The following FAXC variants were observed in gnomAD, a reference collection of about 807,000 sequenced individuals.
FAXC encodes the protein failed axon connections homolog, metaxin like GST domain containing.
A neutral mutation model predicts 41.9 loss-of-function variants in FAXC; 10 were observed. The observed-to-expected ratio is 0.24, with a 90% CI of 0.15 to 0.41. The LOEUF (loss-of-function observed/expected upper bound fraction) is 0.41, where lower values mean the gene tolerates loss of function less well. Ranked by LOEUF, FAXC falls within the 10% of genes least tolerant of loss-of-function variation. FAXC has a pLI of 1.00. For synonymous variants in FAXC, 183 were observed against 183.8 expected (o/e 1.00, Z 0.03); for missense variants, 399 against 510.9 (o/e 0.78, Z 2.11).
chr6:99,329,160 C>G (rs901186004), intron 3 of FAXC, among the ~76,000 whole-genome samples: 1 of 152,200 alleles, frequency 6.6e-6, no homozygotes, highest in African/African-American at 2.4e-5. Flanking sequence ...AAGCAATTAA[C>G]TTATCATTTT....
chr6:99,348,819 C>A (rs535423592), intron 1 of FAXC, among the ~76,000 whole-genome samples: 1 of 152,360 alleles, frequency 6.6e-6, no homozygotes, highest in South Asian at 2.1e-4. Context: ...AAACACACTG[C>A]ACTTAGATCC....
chr6:99,294,706 T>C (rs922195602), intron 4 of FAXC, among the ~76,000 whole-genome samples: 2 of 152,290 alleles, frequency 1.3e-5, no homozygotes, highest in Non-Finnish European at 2.9e-5. Flanking sequence ...GTCAAGTCCA[T>C]AAATTTTGAA....
upstream of FAXC, chr6:99,349,948 C>T (rs1234802167): frequency 6.6e-6 from 1 of 152,148 alleles, no homozygotes; most frequent in Non-Finnish European, 1.5e-5. Context: ...TCCCCTACCC[C>T]GGCCGGCCCT....
At chr6:99,291,672 C>A in intron 5 of FAXC, 32 bp downstream of exon 5, 1 of 1,541,408 alleles carries the variant, frequency 6.5e-7, no homozygotes, top group East Asian at 2.2e-5. Flanking sequence ...CCCCAGTAAG[C>A]CCCAAAACCT....
At chr6:99,297,901 G>C (rs938701307) in intron 4 of FAXC, among the ~76,000 whole-genome samples, 3 of 152,214 alleles carry the variant, frequency 2.0e-5, no homozygotes, top group African/African-American at 4.8e-5. Context: ...TTAAATCCCA[G>C]AGGGGCGAAT....
chr6:99,291,234 T>TTA (rs1771227111), intron 5 of FAXC, among the ~76,000 whole-genome samples: 1 of 152,158 alleles, frequency 6.6e-6, no homozygotes, highest in Admixed American at 6.5e-5. Flanking sequence ...GAAAAACAGT[T>TTA]TAGACTCAGA....
At chr6:99,293,639 CA>C (rs1378064634) in intron 4 of FAXC, among the ~76,000 whole-genome samples, 6 of 148,128 alleles carry the variant, frequency 4.1e-5, no homozygotes, top group Admixed American at 2.7e-4. Context: ...TCTTGAGTGA[CA>C]TTTTTCCCAT....
intron 4 of FAXC, among the ~76,000 whole-genome samples, chr6:99,296,590 A>G (rs1241727022): frequency 6.6e-6 from 1 of 152,166 alleles, no homozygotes; most frequent in African/African-American, 2.4e-5. Flanking sequence ...CCAGCTTCTA[A>G]GCACCCAGAA....
intron 4 of FAXC, among the ~76,000 whole-genome samples, chr6:99,319,529 C>T (rs183522004): frequency 1.6e-3 from 242 of 152,228 alleles, no homozygotes; most frequent in African/African-American, 5.2e-3. Context: ...TTCTACATGC[C>T]GACCACTTTT....
intron 3 of FAXC, 79 bp downstream of exon 3, chr6:99,333,272 G>A (rs1368263513): frequency 1.1e-5 from 14 of 1,224,398 alleles, no homozygotes; most frequent in Admixed American, 7.1e-5. Flanking sequence ...CTGCTGAAAC[G>A]GTGGAAAGAG....
At position 99,309,935 on chromosome 6, in the gene FAXC, C is replaced by A. The variant is rs1772094054; in HGVS notation, c.823+13509G>T. On this transcript the variant is annotated intron_variant, in intron 4 of 5. Coordinates refer to ENST00000389677, the MANE Select transcript of FAXC (RefSeq NM_032511.4). ...CATTAACAAACCACCAACGTAAACA[C>A]ACAGAAGTTCTACTGGAACAGAAGA... 1.8e-5 allele frequency: 18 copies of A among 983,424 alleles called. No homozygotes were observed. The South Asian group carries it at 8.0e-4, about 44-fold the overall frequency. The allele number at this position is 983,424 out of a possible 1,614,324, so 60.9% of individuals were successfully genotyped here.
intron 3 of FAXC, among the ~76,000 whole-genome samples, chr6:99,331,999 G>A (rs1773043693): frequency 6.6e-6 from 1 of 152,132 alleles, no homozygotes. Context: ...TTCATTCCAT[G>A]AACACTGAGT....
At chr6:99,311,951 C>T (rs612135) in intron 4 of FAXC, among the ~76,000 whole-genome samples, 133,165 of 152,262 alleles carry the variant, frequency 0.87, 58,732 homozygotes, top group East Asian at 1. Context: ...GATAGCTTTA[C>T]TTCTCCATAC....
At chr6:99,321,419 T>C (rs1772583336) in intron 4 of FAXC, among the ~76,000 whole-genome samples, 1 of 152,184 alleles carries the variant, frequency 6.6e-6, no homozygotes, top group Non-Finnish European at 1.5e-5. Flanking sequence ...TTTCACTTAT[T>C]CAATAAATGA....
chr6:99,338,170 T>C (rs1390935185), intron 2 of FAXC, among the ~76,000 whole-genome samples: 1 of 152,174 alleles, frequency 6.6e-6, no homozygotes, highest in Non-Finnish European at 1.5e-5. Flanking sequence ...CCTGGAGCAT[T>C]GCCCACTCCA....
chr6:99,291,676 A>C, intron 5 of FAXC, 28 bp downstream of exon 5: 4 of 1,563,888 alleles, frequency 2.6e-6, no homozygotes, highest in Non-Finnish European at 3.5e-6. Flanking sequence ...AGTAAGCCCC[A>C]AAACCTGAAG....
chr6:99,316,030 T>C (rs907088283), intron 4 of FAXC, among the ~76,000 whole-genome samples: 1 of 152,186 alleles, frequency 6.6e-6, no homozygotes, highest in African/African-American at 2.4e-5. Context: ...GTTTTAGTAA[T>C]CTGTGCTGCC....
intron 4 of FAXC, among the ~76,000 whole-genome samples, chr6:99,293,762 T>C (rs1044559006): frequency 1.3e-5 from 2 of 151,172 alleles, no homozygotes; most frequent in African/African-American, 2.4e-5. Context: ...GCTAAATTGT[T>C]AGCTCTTTGA....
intron 5 of FAXC, among the ~76,000 whole-genome samples, chr6:99,287,688 C>A (rs899138367): frequency 6.6e-6 from 1 of 152,184 alleles, no homozygotes; most frequent in South Asian, 2.1e-4. Flanking sequence ...CACTTACATG[C>A]CTGGGTTTCA....
Sources: allele counts gnomAD v4.1 joint callset (sites outside exome capture counted in the v4.1 genomes callset), GRCh38; gene constraint gnomAD v4.1.1; transcripts MANE v1.5; gene names NCBI Gene and HGNC (gene_info 2026-07-23, HGNC 2026-07-21).